Variants in CFHR5 observed in about 807,000 individuals in gnomAD.
The protein encoded by CFHR5 is complement factor H related 5, also known as complement factor H-related protein 5.
Under a neutral mutation model 62.9 loss-of-function variants are expected in CFHR5, and 73 were observed. That is an observed-to-expected ratio of 1.16 (90% CI 0.96 to 1.41). CFHR5 has a LOEUF of 1.41. CFHR5 is among the 40% of genes most tolerant of loss of function. The pLI, the probability that CFHR5 is intolerant of heterozygous loss-of-function variation, is 0.00. For synonymous variants in CFHR5, 249 were observed against 227.2 expected, an observed-to-expected ratio of 1.10 and a Z score of -0.86; for missense variants, 779 against 679.9, an observed-to-expected ratio of 1.15 and a Z score of -1.62.
Position 196,982,894 on chromosome 1 carries a change from G to C in CFHR5, c.68G>C (p.Cys23Ser). 1 of 1,613,766 alleles carries C rather than the reference G, an allele frequency of 6.2e-7. No homozygotes were observed. The highest frequency in any genetic ancestry group is 8.5e-7 in the Non-Finnish European group (1 of 1,179,780). The change falls in exon 2 of 10, where the codon TGT becomes TCT. Residue 23 changes from cysteine (C) to serine (S), a missense_variant. By Grantham distance (112) the Cys-to-Ser change is moderately radical. Coordinates refer to ENST00000256785, the MANE Select transcript of CFHR5 (RefSeq NM_030787.4). ...VSTVGGEGTL[C>S]DFPKIHHGFL... ...GTGTTATTTTTCCCAGGAACACTTT[G>C]TGATTTTCCAAAAATACACCATGGA...
intron 4 of CFHR5, among the ~76,000 whole-genome samples, chr1:196,995,097 T>A (rs1653954574): frequency 1.3e-5 from 2 of 152,174 alleles, no homozygotes; most frequent in Admixed American, 1.3e-4. Context: ...ATAAAAGTTA[T>A]AACTATACAT....
chr1:196,996,179 G>T lies in CFHR5; in HGVS notation c.948G>T (p.Trp316Cys). The change falls in exon 6 of 10, where the codon TGG becomes TGT. Residue 316 changes from tryptophan (W) to cysteine (C), a missense_variant. By Grantham distance (215) the Trp-to-Cys change is radical. Transcript: ENST00000256785. The part of the protein sequence containing the change: ...NNMITCINGI[W>C]TELPMCVATH... ...TGATTACCTGTATTAATGGAATATG[G>T]ACAGAGCTTCCTATGTGTGTTGGTG... is the stretch of plus-strand genomic sequence containing the variant. 1 of 1,612,136 alleles carries T rather than the reference G, an allele frequency of 6.2e-7. No homozygotes were observed. Among genetic ancestry groups the T allele is most frequent in the Non-Finnish European group, 8.5e-7 (1 of 1,178,342 alleles).
At chr1:196,976,388 C>A (rs1314132345), upstream of CFHR5, among the ~76,000 whole-genome samples, 8 of 152,072 alleles carry the variant, frequency 5.3e-5, no homozygotes, top group Admixed American at 5.2e-4. Context: ...TCTTTGTATT[C>A]AATAGGATCC....
At chr1:196,992,773 G>A (rs1255061280) in intron 3 of CFHR5, among the ~76,000 whole-genome samples, 1 of 152,132 alleles carries the variant, frequency 6.6e-6, no homozygotes, top group Non-Finnish European at 1.5e-5. Flanking sequence ...AACAAACAGA[G>A]ATTTAGAGAT....
intron 7 of CFHR5, 134 bp from the exon 8 acceptor site, chr1:197,002,344 GGAGA>G: frequency 1.6e-6 from 1 of 624,930 alleles, no homozygotes. Context: ...TTATATATAG[GGAGA>G]GAGAAAGAGA....
intron 7 of CFHR5, among the ~76,000 whole-genome samples, chr1:197,002,279 T>C (rs1654172675): frequency 1.3e-5 from 2 of 152,160 alleles, no homozygotes; most frequent in South Asian, 4.1e-4. Context: ...ACAAAAAGAA[T>C]CGCTTTTTAA....
At chr1:197,002,724 T>C (rs1654187216) in intron 8 of CFHR5, 60 bp downstream of exon 8, 1 of 1,376,124 alleles carries the variant, frequency 7.3e-7, no homozygotes, top group Non-Finnish European at 1.0e-6. Context: ...CCCTTTGCTT[T>C]ATCTAAAGAA....
intron 1 of CFHR5, among the ~76,000 whole-genome samples, chr1:196,978,729 A>T (rs1365417394): frequency 6.6e-6 from 1 of 152,124 alleles, no homozygotes; most frequent in East Asian, 1.9e-4. Flanking sequence ...GTGCGATTGC[A>T]TGAGTGTATT....
intron 4 of CFHR5, among the ~76,000 whole-genome samples, 182 bp from the exon 5 acceptor site, chr1:196,995,535 A>G (rs1653965015): frequency 6.6e-6 from 1 of 152,166 alleles, no homozygotes; most frequent in South Asian, 2.1e-4. Context: ...CATCATGAAA[A>G]GTGTCAATAT....
chr1:196,989,355 T>TA (rs1653779849), intron 3 of CFHR5, among the ~76,000 whole-genome samples: 1 of 151,130 alleles, frequency 6.6e-6, no homozygotes, highest in African/African-American at 2.5e-5. Flanking sequence ...AGGGCTTTTG[T>TA]TGTCTCTATC....
chr1:197,005,672 T>C (rs553764740), intron 9 of CFHR5, among the ~76,000 whole-genome samples: 1 of 152,288 alleles, frequency 6.6e-6, no homozygotes, highest in East Asian at 1.9e-4. Context: ...AACCCCTCTG[T>C]TTTCTGGTGT....
At position 196,995,901 on chromosome 1, in the gene CFHR5, TAA is replaced by T; in HGVS notation, c.790+4_790+5del. On this transcript the variant is annotated splice_donor_region_variant and intron_variant, in intron 5 of 9. Transcript: ENST00000256785. ...GGACAACTTTACCCACTTGTGTTGGTAAATAAATATTAACATTTAAACAGGAC... is the reference window on the plus strand; with the variant it reads ...GGACAACTTTACCCACTTGTGTTGGTATAAATATTAACATTTAAACAGGAC... 6.2e-7 allele frequency: 1 copy of T among 1,610,964 alleles called. No homozygotes were observed. Among genetic ancestry groups the T allele is most frequent in the Non-Finnish European group, 8.5e-7 (1 of 1,177,330 alleles).
chr1:197,002,110 T>G (rs1361307261), intron 7 of CFHR5, among the ~76,000 whole-genome samples: 1 of 152,106 alleles, frequency 6.6e-6, no homozygotes, highest in African/African-American at 2.4e-5. Context: ...ATTTTTATTT[T>G]TAAATTGTTT....
At chr1:196,987,393 T>G (rs969387661) in intron 3 of CFHR5, among the ~76,000 whole-genome samples, 8 of 152,196 alleles carry the variant, frequency 5.3e-5, no homozygotes, top group African/African-American at 1.9e-4. Context: ...ATTTTGGCTT[T>G]TGTTGCCATT....
chr1:196,984,054 C>G lies in CFHR5; in HGVS notation c.347C>G (p.Thr116Arg), dbSNP rs971025311. ...GATACTGTACAAATTATTTGCAACA[C>G]AGGATACAGCCTTCAAAACAATGAG... ...EGDTVQIICNTGYSLQNNEKN... is the reference protein window; with the variant it reads ...EGDTVQIICNRGYSLQNNEKN... The change falls in exon 3 of 10, where the codon ACA (threonine) becomes AGA (arginine). Residue 116 changes from threonine to arginine, a missense_variant. Coordinates refer to ENST00000256785, the MANE Select transcript of CFHR5 (RefSeq NM_030787.4). 6.2e-7 allele frequency: 1 copy of G among 1,613,408 alleles called. No individual in the cohort carries two copies. Among genetic ancestry groups the G allele is most frequent in the Non-Finnish European group, 8.5e-7 (1 of 1,179,546 alleles).
chr1:197,002,476 TTG>T lies in CFHR5; in HGVS notation c.1148-4_1148-3del. On this transcript the variant is annotated splice_polypyrimidine_tract_variant and splice_region_variant and intron_variant, in intron 7 of 9. Transcript: ENST00000256785. ...AATCATATAATTTAATTCCAATATT[TTG>T]TAGAAAAAAGGGAACAATTCTGCCC... The T allele has an allele frequency of 6.2e-7, 1 of 1,608,664 alleles. No homozygotes were observed. The highest frequency in any genetic ancestry group is 8.5e-7 in the Non-Finnish European group (1 of 1,175,670).
intron 7 of CFHR5, among the ~76,000 whole-genome samples, chr1:196,999,647 C>T (rs1654079508): frequency 6.9e-6 from 1 of 143,906 alleles, no homozygotes; most frequent in African/African-American, 2.6e-5. Context: ...AATGATGTGG[C>T]ATTCATAGTC....
chr1:196,989,761 AC>A (rs1028715373), intron 3 of CFHR5, among the ~76,000 whole-genome samples: 7 of 152,086 alleles, frequency 4.6e-5, no homozygotes, highest in Non-Finnish European at 8.8e-5. Context: ...CTGTTCTTTT[AC>A]ATTTGCTGAG....
chr1:196,991,669 C>G (rs1385827393), intron 3 of CFHR5, among the ~76,000 whole-genome samples: 1 of 152,128 alleles, frequency 6.6e-6, no homozygotes. Context: ...CAGTCCAGAC[C>G]CTGTTTGCCT....
Sources: gnomAD v4.1 joint callset for allele counts (sites outside exome capture counted in the v4.1 genomes callset) on GRCh38, gnomAD v4.1.1 for gene constraint, MANE v1.5 for transcripts, NCBI Gene and HGNC (gene_info 2026-07-23, HGNC 2026-07-21) for gene names.